Variants in TANC1 observed in about 807,000 individuals in gnomAD.
TANC1 encodes the protein protein TANC1.
In TANC1, 77 loss-of-function variants were observed where a neutral mutation model predicts 149.7. That is an observed-to-expected ratio of 0.51 (90% confidence interval 0.43 to 0.62). The LOEUF is 0.62. Ranked by LOEUF, TANC1 falls within the 20% of genes least tolerant of loss-of-function variation. The pLI is 0.00. For synonymous variants in TANC1, 854 were observed against 925.0 expected, an observed-to-expected ratio of 0.92 and a Z score of 1.39; for missense variants, 1,985 against 2,321.8, an observed-to-expected ratio of 0.85 and a Z score of 2.98.
chr2:159,221,093 G>A (rs1396675464), intron 22 of TANC1, among the ~76,000 whole-genome samples: 1 of 152,204 alleles, frequency 6.6e-6, no homozygotes, highest in Non-Finnish European at 1.5e-5. Context: ...GCTCATGCCT[G>A]TAATCCCGGC....
Position 159,190,354 on chromosome 2 carries a change from C to T in TANC1, c.2742+3330C>T, listed in dbSNP as rs559404282. Among the ~76,000 whole-genome samples the T allele has an allele frequency of 2.6e-5, 4 of 152,258 alleles. No individual in the cohort carries two copies. The East Asian group carries it at 7.7e-4, about 29-fold the overall frequency. ...GGAATTTACAAATGATCCTGCCCAT[C>T]CTGTGGCTAGCAGAGTCTGGTGTGC... On this transcript the variant is annotated intron_variant, in intron 16 of 26. Transcript: ENST00000263635.
chr2:159,228,126 C>A, intron 25 of TANC1, 161 bp downstream of exon 25: 1 of 771,476 alleles, frequency 1.3e-6, no homozygotes, highest in Non-Finnish European at 2.1e-6. Context: ...CTATCCGTGA[C>A]TATCGTTTGG....
chr2:159,065,990 G>A lies in TANC1; in HGVS notation c.61+19G>A. 1 of 1,601,802 alleles carries A rather than the reference G, an allele frequency of 6.2e-7. No individual in the cohort carries two copies. The highest frequency in any genetic ancestry group is 8.6e-7 in the Non-Finnish European group (1 of 1,168,806). ...GAAGCAGGTATGTGTGCAAGAATGA[G>A]AAGCTCAGCCATGGACAGCGGGCAG... On this transcript the variant is annotated intron_variant, in intron 3 of 26. Transcript: ENST00000263635.
chr2:159,055,008 G>C (rs2041743937), intron 2 of TANC1, among the ~76,000 whole-genome samples: 2 of 152,214 alleles, frequency 1.3e-5, no homozygotes, highest in Non-Finnish European at 2.9e-5. Flanking sequence ...TGTATTCTGG[G>C]AGTTGCGATT....
intron 19 of TANC1, among the ~76,000 whole-genome samples, chr2:159,214,073 C>A (rs2059179854): frequency 7.1e-6 from 1 of 141,570 alleles, no homozygotes; most frequent in African/African-American, 2.6e-5. Context: ...TACAGTGAGC[C>A]AAGATTGCAC....
At chr2:159,228,149 C>A in intron 25 of TANC1, 184 bp downstream of exon 25, 1 of 643,628 alleles carries the variant, frequency 1.6e-6, no homozygotes, top group Non-Finnish European at 2.6e-6. Flanking sequence ...ACGGCTGCTA[C>A]GCTCCTCGCA....
At position 159,095,189 on chromosome 2, in the gene TANC1, G is replaced by A. The variant is rs545056232; in HGVS notation, c.62-2448G>A. On this transcript the variant is annotated intron_variant, in intron 3 of 26. Transcript: ENST00000263635. Reference sequence around the variant, plus strand: ...TCTCGAACTCCTGACCTCGTGATTCGCTTGCTTCGGCCTCCCAAAATGTTG... The same window carrying A: ...TCTCGAACTCCTGACCTCGTGATTCACTTGCTTCGGCCTCCCAAAATGTTG... Among the ~76,000 whole-genome samples, 25 of 151,912 alleles carry A rather than the reference G, an allele frequency of 1.6e-4. 1 individual carries two copies. Among genetic ancestry groups the A allele is most frequent in the Non-Finnish European group, 2.9e-4 (20 of 67,964 alleles).
intron 3 of TANC1, among the ~76,000 whole-genome samples, chr2:159,079,572 A>G (rs369009626): frequency 8.5e-5 from 13 of 152,286 alleles, no homozygotes; most frequent in South Asian, 2.1e-4. Flanking sequence ...CATCTATACA[A>G]TGGGGATAAT....
chr2:159,028,089 T>A (rs2039492127), intron 2 of TANC1, among the ~76,000 whole-genome samples: 1 of 152,104 alleles, frequency 6.6e-6, no homozygotes. Flanking sequence ...ACATGAAAGT[T>A]GGGGGACACA....
Position 159,141,208 on chromosome 2 carries a change from A to G in TANC1, c.364+4910A>G, listed in dbSNP as rs546263141. On this transcript the variant is annotated intron_variant, in intron 5 of 26. Transcript: ENST00000263635. ...CAAAGGCCTACTTGCTGGTTCATAG[A>G]CAGCCATCTTTTTGCTGTAACCTCA... 3.5e-4 allele frequency among the ~76,000 whole-genome samples: 53 copies of G among 152,316 alleles called. No homozygotes were observed. In the East Asian group the frequency reaches 6.4e-3, roughly 18 times the overall value.
At chr2:159,036,370 A>G (rs957094936) in intron 2 of TANC1, among the ~76,000 whole-genome samples, 1 of 152,026 alleles carries the variant, frequency 6.6e-6, no homozygotes, top group Non-Finnish European at 1.5e-5. Flanking sequence ...AAAAATTATT[A>G]TTATTATACT....
chr2:159,073,154 T>C (rs1030374269), intron 3 of TANC1, among the ~76,000 whole-genome samples: 1 of 152,248 alleles, frequency 6.6e-6, no homozygotes. Flanking sequence ...TTATAAAATG[T>C]TATCTCAACA....
intron 16 of TANC1, among the ~76,000 whole-genome samples, chr2:159,188,472 G>A (rs2057185798): frequency 6.6e-6 from 1 of 152,234 alleles, no homozygotes; most frequent in African/African-American, 2.4e-5. Flanking sequence ...GTCCCATCCA[G>A]CCAGTGGTTT....
At chr2:159,093,672 A>G (rs1373814380) in intron 3 of TANC1, among the ~76,000 whole-genome samples, 1 of 151,226 alleles carries the variant, frequency 6.6e-6, no homozygotes, top group Non-Finnish European at 1.5e-5. Context: ...AAACAAACCA[A>G]ACAGAACAAC....
At chr2:159,222,813 C>T (rs2150957713) in intron 22 of TANC1, among the ~76,000 whole-genome samples, 1 of 152,238 alleles carries the variant, frequency 6.6e-6, no homozygotes, top group African/African-American at 2.4e-5. Flanking sequence ...AGGAACTGCC[C>T]TACTTTTTTT....
At chr2:159,145,024 C>A (rs185260163) in intron 5 of TANC1, among the ~76,000 whole-genome samples, 1 of 147,716 alleles carries the variant, frequency 6.8e-6, no homozygotes, top group Non-Finnish European at 1.5e-5. Flanking sequence ...CTGAGGAGGA[C>A]GAGAATGGAG....
intron 2 of TANC1, among the ~76,000 whole-genome samples, chr2:159,006,314 A>G (rs1176473584): frequency 1.3e-5 from 2 of 151,682 alleles, no homozygotes; most frequent in East Asian, 3.9e-4. Context: ...AAAAAAAAAA[A>G]AGAATGTCAC....
At chr2:159,142,880 A>G (rs757564427) in intron 5 of TANC1, among the ~76,000 whole-genome samples, 1 of 151,984 alleles carries the variant, frequency 6.6e-6, no homozygotes, top group East Asian at 1.9e-4. Flanking sequence ...CCTGGCCAAC[A>G]TGGTGAAACC....
chr2:159,082,047 C>CAGCCA (rs1243086657), intron 3 of TANC1, among the ~76,000 whole-genome samples: 12 of 152,384 alleles, frequency 7.9e-5, no homozygotes, highest in African/African-American at 2.9e-4. Flanking sequence ...CTGCCCTGCC[C>CAGCCA]AGCCAAGCCA....
Sources: gnomAD v4.1 joint callset for allele counts (sites outside exome capture counted in the v4.1 genomes callset) on GRCh38, gnomAD v4.1.1 for gene constraint, MANE v1.5 for transcripts, NCBI Gene and HGNC (gene_info 2026-07-23, HGNC 2026-07-21) for gene names.